RBFOX1: variants seen among roughly 807,000 people sequenced by gnomAD.
The protein encoded by RBFOX1 is RNA binding fox-1 homolog 1, also known as RNA binding protein fox-1 homolog 1.
A neutral mutation model predicts 57.7 loss-of-function variants in RBFOX1; 8 were observed. The ratio of observed to expected loss-of-function variants is 0.14; its 90% CI spans 0.08 to 0.25. RBFOX1 has a LOEUF of 0.25. RBFOX1 is among the 10% of genes least tolerant of loss of function. The pLI is 1.00. For synonymous variants in RBFOX1, 326 were observed against 222.4 expected, an observed-to-expected ratio of 1.47 and a Z score of -4.15; for missense variants, 611 against 548.5, an observed-to-expected ratio of 1.11 and a Z score of -1.14.
At chr16:7,231,032 C>T (rs1374996738) in intron 4 of RBFOX1, among the ~76,000 whole-genome samples, 7 of 152,112 alleles carry the variant, frequency 4.6e-5, no homozygotes, top group African/African-American at 1.4e-4. Context: ...CCTCTAGCCC[C>T]CTGAGCATCA....
chr16:5,716,903 A>C (rs1373695686), intron 3 of RBFOX1, among the ~76,000 whole-genome samples: 2 of 152,144 alleles, frequency 1.3e-5, no homozygotes, highest in African/African-American at 4.8e-5. Context: ...ATCCCTGGTC[A>C]CCTGCCTCCC....
At chr16:5,698,298 G>C (rs1240730098) in intron 3 of RBFOX1, among the ~76,000 whole-genome samples, 1 of 152,096 alleles carries the variant, frequency 6.6e-6, no homozygotes, top group Non-Finnish European at 1.5e-5. Flanking sequence ...ATATAAGGTA[G>C]AAAGTTATCT....
At chr16:6,956,455 G>A (rs1438484963) in intron 3 of RBFOX1, among the ~76,000 whole-genome samples, 1 of 152,150 alleles carries the variant, frequency 6.6e-6, no homozygotes, top group African/African-American at 2.4e-5. Flanking sequence ...TACATGCTGG[G>A]CTTTGTCATC....
rs75581185 is a variant in RBFOX1 at position 5,844,891 on chromosome 16, G to A, written c.319-22412G>A. Among the ~76,000 whole-genome samples, 677 of 152,142 alleles carry A rather than the reference G, an allele frequency of 4.4e-3. 35 individuals carry two copies. In the East Asian group the frequency reaches 0.11, roughly 24 times the overall value. On this transcript the variant is annotated intron_variant, in intron 3 of 19. Coordinates refer to the RBFOX1 transcript ENST00000641259. ...ACCCATTCCAAAAAGAAACAGCTCT[G>A]TTCCTTATTTGCCGTTAAGAACACC...
At chr16:5,914,895 AAAAAC>A (rs921890980) in intron 4 of RBFOX1, among the ~76,000 whole-genome samples, 2 of 152,100 alleles carry the variant, frequency 1.3e-5, no homozygotes, top group East Asian at 1.9e-4. Flanking sequence ...ACTCTGTCTC[AAAAAC>A]AAAACAAAAC....
intron 14 of RBFOX1, among the ~76,000 whole-genome samples, chr16:7,684,297 T>C (rs951061698): frequency 3.3e-5 from 5 of 152,074 alleles, no homozygotes; most frequent in African/African-American, 4.8e-5. Context: ...GAATTTCATA[T>C]TTAATTAACA....
intron 3 of RBFOX1, among the ~76,000 whole-genome samples, chr16:6,827,959 C>A (rs949151863): frequency 6.6e-6 from 1 of 152,208 alleles, no homozygotes; most frequent in African/African-American, 2.4e-5. Flanking sequence ...CCACTAGACT[C>A]TATGCTCTGT....
intron 4 of RBFOX1, among the ~76,000 whole-genome samples, chr16:7,360,437 G>A (rs1033254051): frequency 6.6e-6 from 1 of 152,112 alleles, no homozygotes; most frequent in African/African-American, 2.4e-5. Context: ...GCACGTGTGT[G>A]AATATTAGCG....
intron 5 of RBFOX1, among the ~76,000 whole-genome samples, chr16:7,526,645 G>A (rs11643836): frequency 0.041 from 6,211 of 152,266 alleles, 191 homozygotes; most frequent in East Asian, 0.13. Context: ...TCTAAAAATA[G>A]GGTGAATAGT....
intron 4 of RBFOX1, among the ~76,000 whole-genome samples, chr16:7,080,872 CT>C (rs1343225074): frequency 6.6e-6 from 1 of 152,208 alleles, no homozygotes; most frequent in African/African-American, 2.4e-5. Flanking sequence ...CCAAGGGAGC[CT>C]TTGAAATAAG....
chr16:7,536,248 TAAATC>T (rs2081439500), intron 5 of RBFOX1, among the ~76,000 whole-genome samples: 1 of 152,152 alleles, frequency 6.6e-6, no homozygotes, highest in Admixed American at 6.5e-5. Flanking sequence ...CAGGGAGACA[TAAATC>T]AAAGCGGAGA....
At chr16:5,473,025 C>T (rs2069191886) in intron 2 of RBFOX1, among the ~76,000 whole-genome samples, 1 of 152,180 alleles carries the variant, frequency 6.6e-6, no homozygotes, top group Non-Finnish European at 1.5e-5. Flanking sequence ...TTGCCTCTGC[C>T]CCTGCCTTGA....
chr16:5,813,961 C>T (rs1184203844), intron 3 of RBFOX1, among the ~76,000 whole-genome samples: 4 of 152,160 alleles, frequency 2.6e-5, no homozygotes, highest in Non-Finnish European at 4.4e-5. Flanking sequence ...GTTATTATGG[C>T]AAAAACCACA....
chr16:6,821,456 G>A (rs2091287129), intron 3 of RBFOX1, among the ~76,000 whole-genome samples: 1 of 152,160 alleles, frequency 6.6e-6, no homozygotes, highest in Non-Finnish European at 1.5e-5. Context: ...GGCACATAGT[G>A]CATTAATGTT....
intron 3 of RBFOX1, among the ~76,000 whole-genome samples, chr16:6,904,530 G>C (rs1022752215): frequency 6.9e-6 from 1 of 145,904 alleles, no homozygotes; most frequent in Non-Finnish European, 1.5e-5. Flanking sequence ...GAACCCAGGA[G>C]GCAGATGTTG....
chr16:5,917,944 C>A (rs1167989952), intron 4 of RBFOX1, among the ~76,000 whole-genome samples: 1 of 152,090 alleles, frequency 6.6e-6, no homozygotes, highest in Non-Finnish European at 1.5e-5. Context: ...CTCTCTCTCC[C>A]ACACGGGAGA....
At chr16:7,315,038 T>A (rs748786495) in intron 4 of RBFOX1, among the ~76,000 whole-genome samples, 11 of 152,116 alleles carry the variant, frequency 7.2e-5, no homozygotes, top group Non-Finnish European at 8.8e-5. Flanking sequence ...TAACCTCATA[T>A]ATTTTATTTG....
intron 2 of RBFOX1, among the ~76,000 whole-genome samples, chr16:6,627,605 ACTATT>A (rs2098327883): frequency 6.6e-6 from 1 of 152,178 alleles, no homozygotes; most frequent in Non-Finnish European, 1.5e-5. Flanking sequence ...CTGAGAATAT[ACTATT>A]AACGCCTATA....
rs537939251 is a variant in RBFOX1, at chr16:7,249,250, C to T, written c.27+197152C>T. 3.9e-5 allele frequency among the ~76,000 whole-genome samples: 6 copies of T among 152,120 alleles called. No individual in the cohort carries two copies. In the South Asian group the frequency reaches 1.2e-3, roughly 32 times the overall value. ...TTTGTTTCCATTCCCCTCTTTTTTC[C>T]CTTCTCTTCATTGTCTTTTTCTTTC... On this transcript the variant is annotated intron_variant, in intron 4 of 15. Coordinates refer to ENST00000550418, the MANE Select transcript of RBFOX1 (RefSeq NM_018723.4).
Sources: allele counts gnomAD v4.1 joint callset (sites outside exome capture counted in the v4.1 genomes callset), GRCh38; gene constraint gnomAD v4.1.1; transcripts MANE v1.5; gene names NCBI Gene and HGNC (gene_info 2026-07-23, HGNC 2026-07-21).